Variants in PIK3CB observed in about 807,000 individuals in gnomAD.
PIK3CB encodes phosphatidylinositol 4,5-bisphosphate 3-kinase catalytic subunit beta isoform.
A neutral mutation model predicts 136.8 loss-of-function variants in PIK3CB; 39 were observed. The ratio of observed to expected loss-of-function variants is 0.29; its 90% confidence interval spans 0.22 to 0.37. The LOEUF (loss-of-function observed/expected upper bound fraction) is 0.37. Ranked by LOEUF, PIK3CB falls within the 10% of genes least tolerant of loss-of-function variation. The pLI, the probability that PIK3CB is intolerant of heterozygous loss-of-function variation, is 1.00. For missense variants in PIK3CB, 868 were observed against 1,275.4 expected, an observed-to-expected ratio of 0.68 and a Z score of 4.87; for synonymous variants, 428 against 436.6, an observed-to-expected ratio of 0.98 and a Z score of 0.25.
intron 21 of PIK3CB, among the ~76,000 whole-genome samples, chr3:138,660,103 A>T (rs985635979): frequency 2.0e-5 from 3 of 150,850 alleles, no homozygotes; most frequent in Admixed American, 1.3e-4. Flanking sequence ...ATGGTGGATT[A>T]AAAAAAAAGA....
At chr3:138,690,664 T>A (rs1275434760) in intron 15 of PIK3CB, among the ~76,000 whole-genome samples, 1 of 149,202 alleles carries the variant, frequency 6.7e-6, no homozygotes, top group Non-Finnish European at 1.5e-5. Context: ...TACACTTTAC[T>A]GGAAAATAGC....
intron 2 of PIK3CB, among the ~76,000 whole-genome samples, chr3:138,761,929 G>C (rs2045668179): frequency 7.8e-6 from 1 of 128,626 alleles, no homozygotes; most frequent in South Asian, 2.6e-4. Flanking sequence ...AACAGAGTGG[G>C]ACTCTGTCTC....
At chr3:138,745,966 G>A (rs373213580) in intron 4 of PIK3CB, among the ~76,000 whole-genome samples, 3 of 152,034 alleles carry the variant, frequency 2.0e-5, no homozygotes, top group East Asian at 3.9e-4. Flanking sequence ...CTTGTTCAGG[G>A]TCAGACAAGG....
chr3:138,812,300 G>A (rs941852627), intron 1 of PIK3CB, among the ~76,000 whole-genome samples: 6 of 150,800 alleles, frequency 4.0e-5, no homozygotes, highest in Non-Finnish European at 8.9e-5. Context: ...CAAATGGTGC[G>A]ATCTTGGCTC....
chr3:138,817,633 C>A (rs1025824397), intron 1 of PIK3CB, among the ~76,000 whole-genome samples: 1 of 152,058 alleles, frequency 6.6e-6, no homozygotes, highest in Non-Finnish European at 1.5e-5. Flanking sequence ...AGAGTCAATG[C>A]AGCAACATAA....
At chr3:138,749,025 A>G (rs1032384146) in intron 4 of PIK3CB, among the ~76,000 whole-genome samples, 11 of 152,308 alleles carry the variant, frequency 7.2e-5, no homozygotes, top group African/African-American at 2.4e-4. Flanking sequence ...CAGCAAAGGT[A>G]TAACACAGCA....
chr3:138,765,844 A>G (rs1245983138), intron 2 of PIK3CB, among the ~76,000 whole-genome samples: 1 of 152,206 alleles, frequency 6.6e-6, no homozygotes, highest in African/African-American at 2.4e-5. Context: ...ACAGAGTGAG[A>G]CGGAAGGAAG....
At chr3:138,748,156 T>TACACACACACACAC (rs3071146) in intron 4 of PIK3CB, among the ~76,000 whole-genome samples, 2 of 142,992 alleles carry the variant, frequency 1.4e-5, no homozygotes, top group South Asian at 2.3e-4. Context: ...TTAGAAATCA[T>TACACACACACACAC]ACACACACAC....
At chr3:138,689,185 A>G (rs978655287) in intron 15 of PIK3CB, among the ~76,000 whole-genome samples, 1 of 150,888 alleles carries the variant, frequency 6.6e-6, no homozygotes, top group Admixed American at 6.6e-5. Flanking sequence ...GCTCACTGCA[A>G]TCTCCACCCA....
rs568614293 is a variant in PIK3CB at position 138,700,716 on chromosome 3, T to C, written c.1582-1621A>G. On this transcript the variant is annotated intron_variant, in intron 12 of 23. Coordinates refer to ENST00000674063, the MANE Select transcript of PIK3CB (RefSeq NM_006219.3). ...AAAGATAGATAGATAGATAGATAGATAGATAGATAGATAGATAGATAGATA... is the reference window on the plus strand; with the variant it reads ...AAAGATAGATAGATAGATAGATAGACAGATAGATAGATAGATAGATAGATA... Among the ~76,000 whole-genome samples the C allele has an allele frequency of 8.1e-3, 1,196 of 147,368 alleles. 21 individuals are homozygous for C. The highest frequency in any genetic ancestry group is 0.031 in the African/African-American group (1,163 of 37,900).
chr3:138,830,667 A>G (rs189965561), intron 1 of PIK3CB, among the ~76,000 whole-genome samples: 11 of 152,116 alleles, frequency 7.2e-5, no homozygotes, highest in Admixed American at 5.2e-4. Context: ...TGGGAGGCCG[A>G]GATGGGCGGA....
At chr3:138,786,074 T>C (rs2045979242) in intron 2 of PIK3CB, among the ~76,000 whole-genome samples, 1 of 152,078 alleles carries the variant, frequency 6.6e-6, no homozygotes, top group Non-Finnish European at 1.5e-5. Flanking sequence ...CTGGAGTATA[T>C]GAAGCAAGAC....
chr3:138,689,656 TATG>T (rs1270210778), intron 15 of PIK3CB, among the ~76,000 whole-genome samples: 4 of 152,258 alleles, frequency 2.6e-5, no homozygotes, highest in Non-Finnish European at 5.9e-5. Context: ...GTTCAAAAGC[TATG>T]ATATTCTATA....
Position 138,667,407 on chromosome 3 carries a change from C to T in PIK3CB, c.2505-2204G>A, listed in dbSNP as rs115241039. ...GAAAGCTTCCGAAGGACTTTATGAG[C>T]GACAAAGAGAGGCTGTGTGTGTGTT... On this transcript the variant is annotated intron_variant, in intron 19 of 23. Transcript: ENST00000674063. Among the ~76,000 whole-genome samples, 487 of 151,656 alleles carry T rather than the reference C, an allele frequency of 3.2e-3. 6 individuals are homozygous for T. The highest frequency in any genetic ancestry group is 1.0e-2 in the African/African-American group (412 of 41,360).
chr3:138,779,612 C>T (rs1181353527), intron 2 of PIK3CB, among the ~76,000 whole-genome samples: 3 of 149,880 alleles, frequency 2.0e-5, no homozygotes, highest in South Asian at 2.1e-4. Context: ...AGGCTGGTCT[C>T]GAACTCCTGA....
intron 1 of PIK3CB, among the ~76,000 whole-genome samples, chr3:138,831,318 C>T (rs1261336009): frequency 1.4e-5 from 2 of 147,516 alleles, no homozygotes; most frequent in African/African-American, 5.3e-5. Context: ...TAGTGCTAGG[C>T]GCAGTGGCTC....
intron 1 of PIK3CB, among the ~76,000 whole-genome samples, chr3:138,830,085 C>T (rs1210118660): frequency 6.6e-6 from 1 of 151,972 alleles, no homozygotes; most frequent in Non-Finnish European, 1.5e-5. Flanking sequence ...GGCCGGAAGC[C>T]CTGGGGCATT....
intron 6 of PIK3CB, 79 bp from the exon 7 acceptor site, chr3:138,734,883 A>G: frequency 1.1e-6 from 1 of 912,294 alleles, no homozygotes; most frequent in South Asian, 2.3e-5. Context: ...GCTGAACAAC[A>G]CTATATCAAA....
intron 5 of PIK3CB, among the ~76,000 whole-genome samples, chr3:138,742,206 G>A (rs990037584): frequency 2.0e-5 from 3 of 152,058 alleles, no homozygotes; most frequent in African/African-American, 7.2e-5. Context: ...ACAACACAGT[G>A]GTCTCTGTTG....
Sources: gnomAD v4.1 joint callset for allele counts (sites outside exome capture counted in the v4.1 genomes callset) on GRCh38, gnomAD v4.1.1 for gene constraint, MANE v1.5 for transcripts, NCBI Gene and HGNC (gene_info 2026-07-23, HGNC 2026-07-21) for gene names.